Variants in SEMA3D observed in about 807,000 individuals in gnomAD.
The protein encoded by SEMA3D is semaphorin 3D, also known as semaphorin-3D.
SEMA3D carries 84 observed loss-of-function variants against 100.1 expected under a neutral mutation model. The observed-to-expected ratio is 0.84, with a 90% CI of 0.70 to 1.01. SEMA3D has a LOEUF of 1.01. Among genes scored for constraint, SEMA3D ranks in the 50% least tolerant of loss-of-function variants. SEMA3D has a pLI of 0.00. For missense variants in SEMA3D, 875 were observed against 934.1 expected (o/e 0.94, Z 0.82); for synonymous variants, 312 against 320.7 (o/e 0.97, Z 0.29).
At chr7:85,134,146 A>G (rs1227987217) in intron 2 of SEMA3D, among the ~76,000 whole-genome samples, 1 of 152,004 alleles carries the variant, frequency 6.6e-6, no homozygotes, top group East Asian at 1.9e-4. Context: ...GCACTGCCAA[A>G]CTGAAATCCT....
At chr7:85,166,798 C>T (rs1441933826) in intron 1 of SEMA3D, among the ~76,000 whole-genome samples, 5 of 151,436 alleles carry the variant, frequency 3.3e-5, no homozygotes, top group South Asian at 2.1e-4. Flanking sequence ...TTCAGTGAGT[C>T]GGTAAGGGAA....
intron 1 of SEMA3D, among the ~76,000 whole-genome samples, chr7:85,176,547 G>A (rs1157109121): frequency 6.6e-6 from 1 of 152,040 alleles, no homozygotes; most frequent in East Asian, 1.9e-4. Context: ...TAACTGTGAA[G>A]CACAGAATCA....
At chr7:85,115,021 T>C (rs1583937219) in intron 3 of SEMA3D, among the ~76,000 whole-genome samples, 2 of 152,236 alleles carry the variant, frequency 1.3e-5, no homozygotes, top group East Asian at 1.9e-4. Flanking sequence ...AATCAAATAA[T>C]CTTTTTGGCT....
At chr7:85,043,964 G>T (rs757009590) in intron 9 of SEMA3D, among the ~76,000 whole-genome samples, 1 of 152,020 alleles carries the variant, frequency 6.6e-6, no homozygotes, top group Non-Finnish European at 1.5e-5. Context: ...GAATAAGCAT[G>T]ATTTTTCATT....
the SEMA3D span, among the ~76,000 whole-genome samples, chr7:85,196,193 T>C: frequency 2.6e-5 from 4 of 152,274 alleles, no homozygotes; most frequent in East Asian, 7.7e-4. Context: ...ACGTTTTGAA[T>C]GTAAAAATGA....
intron 8 of SEMA3D, among the ~76,000 whole-genome samples, chr7:85,064,107 A>G (rs1791548708): frequency 6.6e-6 from 1 of 152,242 alleles, no homozygotes; most frequent in African/African-American, 2.4e-5. Context: ...CTGCTGACTT[A>G]TTAATGAATA....
At chr7:85,121,715 A>G (rs1404463537) in intron 3 of SEMA3D, 26 bp downstream of exon 3, 1 of 1,291,260 alleles carries the variant, frequency 7.7e-7, no homozygotes, top group African/African-American at 1.6e-5. Context: ...CTTAATAAAC[A>G]ATTTAGAAAA....
At chr7:85,225,097 TATATATATAC>T in the SEMA3D span, among the ~76,000 whole-genome samples, 30 of 30,794 alleles carry the variant, frequency 9.7e-4, no homozygotes, top group African/African-American at 5.3e-3. Flanking sequence ...TATATATATA[TATATATATAC>T]ATACATATAT....
intron 3 of SEMA3D, among the ~76,000 whole-genome samples, chr7:85,102,202 G>A (rs916964109): frequency 4.6e-5 from 7 of 151,964 alleles, no homozygotes; most frequent in African/African-American, 1.7e-4. Flanking sequence ...GCACAGCCTT[G>A]AAAGACAGAT....
chr7:85,231,634 T>G, the SEMA3D span, among the ~76,000 whole-genome samples: 7 of 151,990 alleles, frequency 4.6e-5, no homozygotes, highest in African/African-American at 1.7e-4. Flanking sequence ...GTACTTTTAG[T>G]AGAGACAGGG....
intron 2 of SEMA3D, among the ~76,000 whole-genome samples, chr7:85,150,911 T>G (rs1475792552): frequency 6.6e-6 from 1 of 152,050 alleles, no homozygotes; most frequent in Non-Finnish European, 1.5e-5. Context: ...TCCTGTTAAT[T>G]CCTTTTATTG....
intron 7 of SEMA3D, among the ~76,000 whole-genome samples, chr7:85,065,801 T>C (rs1791602893): frequency 6.6e-6 from 1 of 152,226 alleles, no homozygotes; most frequent in Non-Finnish European, 1.5e-5. Flanking sequence ...TAATTGCACA[T>C]GCATTAGCTT....
the SEMA3D span, among the ~76,000 whole-genome samples, chr7:85,206,976 T>C: frequency 4.6e-5 from 7 of 152,126 alleles, no homozygotes; most frequent in Non-Finnish European, 1.0e-4. Flanking sequence ...ACAGATTTAA[T>C]AAGGAATTTG....
Position 85,121,908 on chromosome 7 carries a change from T to G in SEMA3D, c.-17A>C, listed in dbSNP as rs1431327583. 1 of 1,523,030 alleles carries G rather than the reference T, an allele frequency of 6.6e-7. No homozygotes were observed. The highest frequency in any genetic ancestry group is 8.9e-7 in the Non-Finnish European group (1 of 1,122,260). 94.3% of individuals were successfully genotyped at this position (1,523,030 alleles called of 1,614,324 possible). On this transcript the variant is annotated 5_prime_UTR_variant, in exon 3 of 19. Transcript: ENST00000284136. ...AGCATTCATGATGAAAACAATGTTC[T>G]CTTTCAAATGGTGTTAATTTAATCT...
chr7:85,142,363 A>T (rs755550194), intron 2 of SEMA3D: 62 of 921,472 alleles, frequency 6.7e-5, no homozygotes, highest in Non-Finnish European at 8.0e-5. Context: ...TTAAAATCAA[A>T]ATTTATTTCT....
intron 1 of SEMA3D, among the ~76,000 whole-genome samples, chr7:85,183,519 C>G (rs912639076): frequency 6.6e-6 from 1 of 152,180 alleles, no homozygotes; most frequent in African/African-American, 2.4e-5. Flanking sequence ...CTGACCTTCC[C>G]TGCCACCAAA....
intron 9 of SEMA3D, among the ~76,000 whole-genome samples, chr7:85,052,905 T>C (rs1583874518): frequency 6.6e-6 from 1 of 151,988 alleles, no homozygotes. Context: ...TACCCATTTT[T>C]ATATAATGTT....
At chr7:85,170,265 A>G (rs1164782019) in intron 1 of SEMA3D, among the ~76,000 whole-genome samples, 2 of 151,718 alleles carry the variant, frequency 1.3e-5, no homozygotes, top group African/African-American at 4.8e-5. Context: ...GTACAAACCT[A>G]TTTTCTGTAT....
intron 18 of SEMA3D, among the ~76,000 whole-genome samples, chr7:85,003,922 G>C (rs1163512868): frequency 1.3e-5 from 2 of 152,060 alleles, no homozygotes; most frequent in Non-Finnish European, 2.9e-5. Flanking sequence ...GCAATACGCT[G>C]TTGTTTATCA....
Sources: allele counts gnomAD v4.1 joint callset (sites outside exome capture counted in the v4.1 genomes callset), GRCh38; gene constraint gnomAD v4.1.1; transcripts MANE v1.5; gene names NCBI Gene and HGNC (gene_info 2026-07-23, HGNC 2026-07-21).